The following KCNMA1 variants were observed in gnomAD, a reference collection of about 807,000 sequenced individuals.
KCNMA1 encodes potassium calcium-activated channel subfamily M alpha 1, also known as Calcium-activated potassium channel subunit alpha-1.
Under a neutral mutation model 140.0 loss-of-function variants are expected in KCNMA1, and 29 were observed. The ratio of observed to expected loss-of-function variants is 0.21; its 90% CI spans 0.15 to 0.28. The LOEUF is 0.28. Among genes scored for constraint, KCNMA1 ranks in the 10% least tolerant of loss-of-function variants. The pLI is 1.00. For missense variants in KCNMA1, 880 were observed against 1,602.2 expected (o/e 0.55, Z 7.70); for synonymous variants, 612 against 611.9 (o/e 1.00, Z 0.00).
intron 3 of KCNMA1, among the ~76,000 whole-genome samples, chr10:77,194,917 C>T (rs1039187405): frequency 6.6e-6 from 1 of 152,192 alleles, no homozygotes; most frequent in Non-Finnish European, 1.5e-5. Flanking sequence ...AACAATGTCA[C>T]ATAACATAGA....
intron 3 of KCNMA1, among the ~76,000 whole-genome samples, chr10:77,222,206 C>T (rs145147331): frequency 4.1e-4 from 62 of 152,304 alleles, no homozygotes; most frequent in African/African-American, 1.4e-3. Context: ...ATGAAGGTCA[C>T]TGTACTACAA....
chr10:77,143,764 C>G (rs1390769319), intron 5 of KCNMA1, among the ~76,000 whole-genome samples: 1 of 152,082 alleles, frequency 6.6e-6, no homozygotes, highest in Non-Finnish European at 1.5e-5. Context: ...TAAAAAACTT[C>G]TCATAAAAAG....
rs935095661 is a variant in KCNMA1 at position 77,200,175 on chromosome 10, T to A, written c.603-15259A>T. Reference sequence around the variant, plus strand: ...CATGTTGGCTAGGCTGGTCTCGAACTCCTGACCTCAGGTGATCCACCTGTC... The same window carrying A: ...CATGTTGGCTAGGCTGGTCTCGAACACCTGACCTCAGGTGATCCACCTGTC... On this transcript the variant is annotated intron_variant, in intron 3 of 27. Coordinates refer to ENST00000286628, the MANE Select transcript of KCNMA1 (RefSeq NM_001161352.2). 2.0e-5 allele frequency among the ~76,000 whole-genome samples: 3 copies of A among 152,178 alleles called. No individual in the cohort carries two copies. The East Asian group carries it at 5.8e-4, about 29-fold the overall frequency.
At chr10:77,573,201 C>T (rs2072366675) in intron 1 of KCNMA1, among the ~76,000 whole-genome samples, 1 of 152,174 alleles carries the variant, frequency 6.6e-6, no homozygotes, top group South Asian at 2.1e-4. Flanking sequence ...CTCTGATTCT[C>T]AGAAGGGGCA....
rs559188790 is a variant in KCNMA1, at chr10:77,138,158, C to A, written c.809-17110G>T. 9.2e-5 allele frequency among the ~76,000 whole-genome samples: 14 copies of A among 152,302 alleles called. No individual in the cohort carries two copies. The East Asian group carries it at 2.5e-3, about 27-fold the overall frequency. Reference sequence around the variant, plus strand: ...GATGCTGCAGCACAGGGGTGAGGCTCCTGCTTCCAGGTCTTCTATTTGAAT... The same window carrying A: ...GATGCTGCAGCACAGGGGTGAGGCTACTGCTTCCAGGTCTTCTATTTGAAT... On this transcript the variant is annotated intron_variant, in intron 5 of 27. Transcript: ENST00000286628.
intron 5 of KCNMA1, among the ~76,000 whole-genome samples, chr10:77,133,879 G>T (rs908010485): frequency 6.6e-6 from 1 of 152,006 alleles, no homozygotes; most frequent in African/African-American, 2.4e-5. Context: ...AATCTAAAAT[G>T]CAAAAATCAT....
intron 1 of KCNMA1, among the ~76,000 whole-genome samples, chr10:77,456,148 G>A (rs1245747796): frequency 3.3e-5 from 5 of 152,310 alleles, no homozygotes; most frequent in African/African-American, 9.6e-5. Context: ...CAGGAGGCAC[G>A]ACAGGGGAAG....
At chr10:77,460,557 G>A (rs905600106) in intron 1 of KCNMA1, among the ~76,000 whole-genome samples, 32 of 145,616 alleles carry the variant, frequency 2.2e-4, no homozygotes, top group South Asian at 4.3e-4. Flanking sequence ...ACACACACAC[G>A]CACACCATGG....
chr10:77,590,011 CA>C (rs888074243), intron 1 of KCNMA1, among the ~76,000 whole-genome samples: 18 of 152,180 alleles, frequency 1.2e-4, no homozygotes, highest in African/African-American at 3.9e-4. Context: ...GAGCTAGACA[CA>C]AAGGTTCTCT....
intron 2 of KCNMA1, among the ~76,000 whole-genome samples, chr10:77,282,186 A>C (rs2068856553): frequency 6.6e-6 from 1 of 152,002 alleles, no homozygotes; most frequent in African/African-American, 2.4e-5. Context: ...TCACATCTGT[A>C]TGTTTTACCC....
At chr10:77,636,722 C>G in intron 1 of KCNMA1, 2 of 1,508,190 alleles carry the variant, frequency 1.3e-6, no homozygotes, top group Admixed American at 4.1e-5. Flanking sequence ...TGCTCCTCCC[C>G]CGGGATTCCC....
At chr10:76,984,983 T>G (rs1393113506) in intron 19 of KCNMA1, among the ~76,000 whole-genome samples, 4 of 152,178 alleles carry the variant, frequency 2.6e-5, no homozygotes, top group Non-Finnish European at 4.4e-5. Flanking sequence ...GAGGGTTTAT[T>G]TCTAGAAAAG....
chr10:76,952,349 T>C (rs886678129), intron 21 of KCNMA1, among the ~76,000 whole-genome samples: 2 of 152,070 alleles, frequency 1.3e-5, no homozygotes, highest in Non-Finnish European at 2.9e-5. Flanking sequence ...TGAAACCCTG[T>C]CTCTACTAAA....
Position 76,927,237 on chromosome 10 carries a change from A to G in KCNMA1, c.2903-12188T>C, listed in dbSNP as rs112678747. Among the ~76,000 whole-genome samples the G allele has an allele frequency of 8.9e-3, 1,358 of 152,294 alleles. 18 individuals are homozygous for G. Among genetic ancestry groups the G allele is most frequent in the African/African-American group, 0.031 (1,303 of 41,576 alleles). ...AGTTTTATACCTTTGCCCAGAGGAT[A>G]AAACTTCACTTCTCAAACCAAGGAG... On this transcript the variant is annotated intron_variant, in intron 23 of 27. Transcript: ENST00000286628.
intron 15 of KCNMA1, among the ~76,000 whole-genome samples, chr10:77,032,732 CCCT>C (rs938271713): frequency 6.6e-6 from 1 of 151,530 alleles, no homozygotes; most frequent in African/African-American, 2.4e-5. Flanking sequence ...AGCCCAACCC[CCCT>C]TTTTTTTTTT....
rs1372618200 is a variant in KCNMA1 at position 76,914,991 on chromosome 10, C to T, written c.2961G>A (p.Met987Ile). 1.9e-6 allele frequency: 3 copies of T among 1,613,770 alleles called. No individual in the cohort carries two copies. The highest frequency in any genetic ancestry group is 1.7e-6 in the Non-Finnish European group (2 of 1,179,744). ...CAGTTGTGATGGATGGTTGACGTAACATCCCGTGCACTGGGCTGTTATCTG... is the reference window on the plus strand; with the variant it reads ...CAGTTGTGATGGATGGTTGACGTAATATCCCGTGCACTGGGCTGTTATCTG... ...SSPDNSPVHG[M>I]LRQPSITTGV... Residue 987 changes from methionine to isoleucine, a missense_variant, in exon 24 of 28, where the codon ATG (methionine) becomes ATA (isoleucine). Coordinates refer to ENST00000286628, the MANE Select transcript of KCNMA1 (RefSeq NM_001161352.2).
At chr10:77,223,734 C>T (rs182606958) in intron 3 of KCNMA1, among the ~76,000 whole-genome samples, 46 of 152,188 alleles carry the variant, frequency 3.0e-4, no homozygotes, top group Middle Eastern at 3.4e-3. Context: ...TTACACCGCA[C>T]GGTTGCAGAT....
At chr10:77,323,553 C>T (rs981026591) in intron 2 of KCNMA1, among the ~76,000 whole-genome samples, 2 of 152,198 alleles carry the variant, frequency 1.3e-5, no homozygotes, top group Non-Finnish European at 2.9e-5. Flanking sequence ...TGTGCTCAGG[C>T]CCATCACTTT....
rs371623216 is a variant in KCNMA1, at chr10:77,445,365, G to GAGACAC, written c.379-41343_379-41342insGTGTCT. 2.2e-3 allele frequency among the ~76,000 whole-genome samples: 307 copies of GAGACAC among 141,278 alleles called. 1 individual carries two copies. Among genetic ancestry groups the GAGACAC allele is most frequent in the African/African-American group, 6.2e-3 (244 of 39,570 alleles). 92.7% of individuals were successfully genotyped at this position (141,278 alleles called of 152,430 possible). A position where few individuals can be genotyped will look rare whatever the true frequency, so the allele number is the denominator to read the frequency against. ...TCTCTCTCTCACACGCACATACACA[G>GAGACAC]ACACACACACACACACACACACACA... On this transcript the variant is annotated intron_variant, in intron 1 of 27. Transcript: ENST00000286628.
Sources: gnomAD v4.1 joint callset for allele counts (sites outside exome capture counted in the v4.1 genomes callset) on GRCh38, gnomAD v4.1.1 for gene constraint, MANE v1.5 for transcripts, NCBI Gene and HGNC (gene_info 2026-07-23, HGNC 2026-07-21) for gene names.